CNTNAP5: variants seen among roughly 807,000 people sequenced by gnomAD.
The protein encoded by CNTNAP5 is contactin associated protein family member 5.
Under a neutral mutation model 150.2 loss-of-function variants are expected in CNTNAP5, and 72 were observed. The observed-to-expected ratio is 0.48, with a 90% CI of 0.40 to 0.58. CNTNAP5 has a LOEUF of 0.58. Among genes scored for constraint, CNTNAP5 ranks in the 20% least tolerant of loss-of-function variants. The pLI, the probability that CNTNAP5 is intolerant of heterozygous loss-of-function variation, is 0.00. For synonymous variants in CNTNAP5, 672 were observed against 619.8 expected, an observed-to-expected ratio of 1.08 and a Z score of -1.25; for missense variants, 1,636 against 1,626.2, an observed-to-expected ratio of 1.01 and a Z score of -0.10.
chr2:124,835,483 A>C (rs1464593896), intron 19 of CNTNAP5, among the ~76,000 whole-genome samples: 1 of 152,164 alleles, frequency 6.6e-6, no homozygotes. Context: ...CCAAGACCCA[A>C]GAATGCAGGG....
intron 13 of CNTNAP5, among the ~76,000 whole-genome samples, chr2:124,716,093 T>A (rs925721222): frequency 6.6e-6 from 1 of 152,204 alleles, no homozygotes; most frequent in Non-Finnish European, 1.5e-5. Context: ...TTTTAAAGCC[T>A]GGATTGCATT....
intron 1 of CNTNAP5, among the ~76,000 whole-genome samples, chr2:124,185,822 G>T (rs1205750366): frequency 6.6e-6 from 1 of 152,136 alleles, no homozygotes; most frequent in African/African-American, 2.4e-5. Context: ...TGCTTCCCAG[G>T]GAGGGGGATT....
chr2:124,768,261 T>C (rs962765784), intron 16 of CNTNAP5, among the ~76,000 whole-genome samples: 1 of 129,012 alleles, frequency 7.8e-6, no homozygotes, highest in Non-Finnish European at 1.7e-5. Flanking sequence ...TACATATATA[T>C]ACTGTATGTA....
chr2:124,150,861 G>A (rs974471496), intron 1 of CNTNAP5, among the ~76,000 whole-genome samples: 1 of 152,168 alleles, frequency 6.6e-6, no homozygotes, highest in African/African-American at 2.4e-5. Flanking sequence ...TTAGTCCGTA[G>A]TATGGATATT....
intron 1 of CNTNAP5, among the ~76,000 whole-genome samples, chr2:124,168,352 A>G (rs1684854541): frequency 2.0e-5 from 3 of 152,174 alleles, no homozygotes; most frequent in Non-Finnish European, 2.9e-5. Flanking sequence ...TTATCGTGCT[A>G]ATGCATATTT....
chr2:124,488,761 G>A (rs1301034868), intron 7 of CNTNAP5, among the ~76,000 whole-genome samples: 2 of 152,222 alleles, frequency 1.3e-5, no homozygotes. Context: ...TGAAGGATCT[G>A]ATGAAAGGTG....
chr2:124,576,452 G>A (rs370607275), intron 11 of CNTNAP5, among the ~76,000 whole-genome samples: 84 of 152,218 alleles, frequency 5.5e-4, no homozygotes, highest in South Asian at 3.5e-3. Context: ...GGCATTCAAT[G>A]GAATAACTGT....
chr2:124,737,978 T>A lies in CNTNAP5; in HGVS notation c.2078-9251T>A, dbSNP rs116856668. Among the ~76,000 whole-genome samples, 299 of 152,334 alleles carry A rather than the reference T, an allele frequency of 2.0e-3. 1 individual carries two copies. In the East Asian group the frequency reaches 0.02, roughly 10 times the overall value. Reference sequence around the variant, plus strand: ...AATGCTCAATTAATTCTGGATGTTTTTATTAGTATCATGAGTCTAAATATA... The same window carrying A: ...AATGCTCAATTAATTCTGGATGTTTATATTAGTATCATGAGTCTAAATATA... On this transcript the variant is annotated intron_variant, in intron 13 of 23. Transcript: ENST00000682447.
intron 1 of CNTNAP5, among the ~76,000 whole-genome samples, chr2:124,080,833 A>G (rs995739922): frequency 1.3e-5 from 2 of 152,170 alleles, no homozygotes; most frequent in African/African-American, 4.8e-5. Context: ...AACAACCTTA[A>G]AAACCATAGA....
chr2:124,848,621 T>C (rs1558799239), intron 19 of CNTNAP5, among the ~76,000 whole-genome samples: 1 of 152,146 alleles, frequency 6.6e-6, no homozygotes, highest in Non-Finnish European at 1.5e-5. Flanking sequence ...CCACCAACAG[T>C]GTACAAGGGT....
chr2:124,328,003 G>A (rs1689262746), intron 3 of CNTNAP5, among the ~76,000 whole-genome samples: 1 of 152,116 alleles, frequency 6.6e-6, no homozygotes, highest in African/African-American at 2.4e-5. Flanking sequence ...AAATAGAGCA[G>A]GGATTGCCAT....
intron 1 of CNTNAP5, among the ~76,000 whole-genome samples, chr2:124,058,332 C>G (rs1681912094): frequency 6.6e-6 from 1 of 152,180 alleles, no homozygotes; most frequent in Non-Finnish European, 1.5e-5. Context: ...TCATATGATT[C>G]TCATGCCTGT....
At chr2:124,677,097 A>G (rs1678958123) in intron 13 of CNTNAP5, among the ~76,000 whole-genome samples, 1 of 152,086 alleles carries the variant, frequency 6.6e-6, no homozygotes, top group Admixed American at 6.5e-5. Flanking sequence ...ATAGTTCTTA[A>G]AGATGGTGTG....
At chr2:124,785,977 T>C (rs988202928) in intron 17 of CNTNAP5, among the ~76,000 whole-genome samples, 1 of 152,156 alleles carries the variant, frequency 6.6e-6, no homozygotes, top group Non-Finnish European at 1.5e-5. Context: ...GGTTCACACC[T>C]GTAATCCCAG....
At chr2:124,730,322 C>CGT (rs1334499499) in intron 13 of CNTNAP5, among the ~76,000 whole-genome samples, 3 of 150,580 alleles carry the variant, frequency 2.0e-5, no homozygotes, top group Non-Finnish European at 4.4e-5. Flanking sequence ...CAGGTGTGCG[C>CGT]GTGTGTGTGT....
intron 3 of CNTNAP5, among the ~76,000 whole-genome samples, chr2:124,394,577 A>C (rs1022446661): frequency 9.9e-5 from 15 of 152,254 alleles, no homozygotes; most frequent in African/African-American, 3.6e-4. Context: ...AAGAAGGAGA[A>C]GTTATATATT....
Position 124,528,507 on chromosome 2 carries a change from T to G in CNTNAP5, c.1649+1051T>G, listed in dbSNP as rs182846405. 7.9e-5 allele frequency among the ~76,000 whole-genome samples: 12 copies of G among 152,352 alleles called. 1 individual carries two copies. The highest frequency in any genetic ancestry group is 7.8e-4 in the Admixed American group (12 of 15,306). ...TATTTCATCAATTCAAAATACTTTT[T>G]TGGCATTTGAAGGCATTTGAAATCT... On this transcript the variant is annotated intron_variant, in intron 10 of 23. Coordinates refer to ENST00000682447, the MANE Select transcript of CNTNAP5 (RefSeq NM_001367498.1).
intron 4 of CNTNAP5, among the ~76,000 whole-genome samples, chr2:124,434,166 A>G (rs1388343105): frequency 1.3e-5 from 2 of 152,204 alleles, no homozygotes; most frequent in Admixed American, 6.5e-5. Context: ...GCCATCTGAC[A>G]TAGTAAGCCA....
At chr2:124,619,242 G>A (rs12473562) in intron 12 of CNTNAP5, among the ~76,000 whole-genome samples, 63,036 of 151,774 alleles carry the variant, frequency 0.42, 14,783 homozygotes, top group Non-Finnish European at 0.54. Context: ...GAGTCCACTG[G>A]GGACTAAGAA....
Sources: allele counts gnomAD v4.1 joint callset (sites outside exome capture counted in the v4.1 genomes callset), GRCh38; gene constraint gnomAD v4.1.1; transcripts MANE v1.5; gene names NCBI Gene and HGNC (gene_info 2026-07-23, HGNC 2026-07-21).